The following ZFHX3 variants were observed in gnomAD, a reference collection of about 807,000 sequenced individuals.
ZFHX3 encodes the protein zinc finger homeobox 3, also known as zinc finger homeobox protein 3.
Under a neutral mutation model 279.1 loss-of-function variants are expected in ZFHX3, and 42 were observed. That is an observed-to-expected ratio of 0.15 (90% CI 0.12 to 0.19). The LOEUF (loss-of-function observed/expected upper bound fraction) is 0.19, where lower values mean the gene tolerates loss of function less well. Among genes scored for constraint, ZFHX3 ranks in the 10% least tolerant of loss-of-function variants. The pLI is 1.00. For synonymous variants in ZFHX3, 2,293 were observed against 1,957.8 expected, an observed-to-expected ratio of 1.17 and a Z score of -4.52; for missense variants, 4,981 against 4,754.0, an observed-to-expected ratio of 1.05 and a Z score of -1.40.
intron 1 of ZFHX3, among the ~76,000 whole-genome samples, chr16:72,984,083 C>G (rs776113273): frequency 1.2e-4 from 18 of 152,190 alleles, no homozygotes; most frequent in Non-Finnish European, 2.4e-4. Context: ...TACCTGCTCA[C>G]GCTCCTTCAA....
At chr16:73,836,239 A>C (rs1309352769) in intron 1 of ZFHX3, among the ~76,000 whole-genome samples, 1 of 152,212 alleles carries the variant, frequency 6.6e-6, no homozygotes, top group Non-Finnish European at 1.5e-5. Context: ...AAGAACAGTC[A>C]TCTTATTTGA....
chr16:73,792,618 T>C (rs1019745620), intron 1 of ZFHX3, among the ~76,000 whole-genome samples: 1 of 152,218 alleles, frequency 6.6e-6, no homozygotes, highest in Non-Finnish European at 1.5e-5. Flanking sequence ...GCTTGCCTCC[T>C]TTAAGTTAAA....
intron 1 of ZFHX3, among the ~76,000 whole-genome samples, chr16:73,001,895 A>T (rs951640731): frequency 6.6e-6 from 1 of 152,054 alleles, no homozygotes; most frequent in African/African-American, 2.4e-5. Context: ...CTTAGGCCAG[A>T]CTGACTCTCT....
At chr16:73,033,966 C>T (rs896981307) in intron 1 of ZFHX3, among the ~76,000 whole-genome samples, 6 of 152,184 alleles carry the variant, frequency 3.9e-5, no homozygotes, top group Admixed American at 1.3e-4. Context: ...TTCACAGTGG[C>T]GCTTTCTGCT....
intron 7 of ZFHX3, among the ~76,000 whole-genome samples, chr16:73,095,106 TAG>T (rs1966143792): frequency 6.6e-6 from 1 of 152,084 alleles, no homozygotes. Flanking sequence ...TTATTTTAAA[TAG>T]AGACAAGGGT....
intron 5 of ZFHX3, among the ~76,000 whole-genome samples, chr16:73,153,950 C>A (rs1399076338): frequency 6.6e-6 from 1 of 151,850 alleles, no homozygotes; most frequent in East Asian, 1.9e-4. Context: ...ATGATCCGCC[C>A]GCCCCAGCCT....
At chr16:73,348,307 T>A (rs573748534) in intron 3 of ZFHX3, among the ~76,000 whole-genome samples, 1 of 152,334 alleles carries the variant, frequency 6.6e-6, no homozygotes, top group South Asian at 2.1e-4. Flanking sequence ...GAATCTTCCA[T>A]GCAACTGGGA....
chr16:73,117,324 C>A (rs1297710748), intron 7 of ZFHX3, among the ~76,000 whole-genome samples: 2 of 152,096 alleles, frequency 1.3e-5, no homozygotes, highest in Admixed American at 1.3e-4. Flanking sequence ...TTTAGTTATA[C>A]ATAAATACAT....
chr16:73,112,715 C>CAAAAAA (rs56149570), intron 7 of ZFHX3, among the ~76,000 whole-genome samples: 2 of 30,262 alleles, frequency 6.6e-5, no homozygotes, highest in Non-Finnish European at 1.1e-4. Flanking sequence ...GACTCCATCT[C>CAAAAAA]AAAAAAAAAA....
chr16:73,532,574 A>T (rs1011152708), intron 2 of ZFHX3, among the ~76,000 whole-genome samples: 1 of 152,178 alleles, frequency 6.6e-6, no homozygotes. Flanking sequence ...ACATAAGAGG[A>T]GGGCTGGAAC....
At chr16:73,257,238 A>G (rs2013685403) in intron 4 of ZFHX3, 1 of 152,250 alleles carries the variant, frequency 6.6e-6, no homozygotes, top group African/African-American at 2.4e-5. Flanking sequence ...AAGCTGTTCT[A>G]GAGTCAAACT....
At chr16:73,198,098 C>A (rs71388961) in intron 5 of ZFHX3, among the ~76,000 whole-genome samples, 1 of 151,542 alleles carries the variant, frequency 6.6e-6, no homozygotes, top group Admixed American at 6.6e-5. Context: ...CTGCCATGAC[C>A]GGCTAATTTT....
intron 1 of ZFHX3, among the ~76,000 whole-genome samples, chr16:73,838,392 T>C (rs1156792977): frequency 1.3e-5 from 2 of 152,192 alleles, no homozygotes; most frequent in Admixed American, 6.5e-5. Flanking sequence ...CATGGGTGAA[T>C]TGATGAGAAA....
chr16:73,172,675 T>G (rs1967557620), intron 5 of ZFHX3, among the ~76,000 whole-genome samples: 1 of 152,162 alleles, frequency 6.6e-6, no homozygotes, highest in Non-Finnish European at 1.5e-5. Context: ...AGAAAGAGGT[T>G]TCTGTAAGTA....
chr16:73,369,110 A>G (rs1396594146), intron 3 of ZFHX3, among the ~76,000 whole-genome samples: 1 of 152,226 alleles, frequency 6.6e-6, no homozygotes, highest in Admixed American at 6.5e-5. Context: ...TCAGTAAACG[A>G]AAGCATTATT....
At chr16:73,703,336 C>A (rs1431213920) in intron 1 of ZFHX3, among the ~76,000 whole-genome samples, 1 of 152,042 alleles carries the variant, frequency 6.6e-6, no homozygotes, top group Non-Finnish European at 1.5e-5. Flanking sequence ...GCAGGGACAT[C>A]CATGACTACC....
chr16:73,243,395 T>C (rs767267215), intron 5 of ZFHX3, among the ~76,000 whole-genome samples: 4 of 152,230 alleles, frequency 2.6e-5, no homozygotes, highest in Non-Finnish European at 4.4e-5. Context: ...CCCATTTTTG[T>C]CCTCATTGTA....
intron 2 of ZFHX3, among the ~76,000 whole-genome samples, chr16:73,591,692 CAAAAAAAAAAA>C (rs57402211): frequency 1.5e-4 from 5 of 33,440 alleles, no homozygotes; most frequent in East Asian, 2.5e-3. Flanking sequence ...GACTCTGTCT[CAAAAAAAAAAA>C]AAAAAAAAAA....
At chr16:73,064,990 A>G (rs1379306519) in intron 8 of ZFHX3, among the ~76,000 whole-genome samples, 3 of 152,258 alleles carry the variant, frequency 2.0e-5, no homozygotes, top group Non-Finnish European at 2.9e-5. Context: ...ACAGCGCAAC[A>G]AAGTGAACAA....
Sources: gnomAD v4.1 joint callset for allele counts (sites outside exome capture counted in the v4.1 genomes callset) on GRCh38, gnomAD v4.1.1 for gene constraint, MANE v1.5 for transcripts, NCBI Gene and HGNC (gene_info 2026-07-23, HGNC 2026-07-21) for gene names.